The following SLC14A2 variants were observed in gnomAD, a reference collection of about 807,000 sequenced individuals.
The protein encoded by SLC14A2 is urea transporter 2.
A neutral mutation model predicts 104.6 loss-of-function variants in SLC14A2; 91 were observed. The observed-to-expected ratio is 0.87, with a 90% confidence interval of 0.73 to 1.04. The LOEUF is 1.04. Ranked by LOEUF, SLC14A2 falls within the 50% of genes least tolerant of loss-of-function variation. The pLI, the probability that SLC14A2 is intolerant of heterozygous loss-of-function variation, is 0.00. For synonymous variants in SLC14A2, 476 were observed against 466.4 expected (o/e 1.02, Z -0.27); for missense variants, 1,189 against 1,156.0 (o/e 1.03, Z -0.41).
intron 1 of SLC14A2, among the ~76,000 whole-genome samples, chr18:45,331,599 G>A (rs770903062): frequency 6.6e-6 from 1 of 151,704 alleles, no homozygotes; most frequent in Admixed American, 6.6e-5. Context: ...GCTGAGGCAG[G>A]AGAATGGCAT....
At chr18:45,658,840 C>G (rs185446723) in intron 10 of SLC14A2, among the ~76,000 whole-genome samples, 3 of 152,128 alleles carry the variant, frequency 2.0e-5, no homozygotes, top group East Asian at 3.9e-4. Flanking sequence ...AGGCATGAGT[C>G]CTTCAGGATC....
At chr18:45,413,770 T>C (rs1264870214) in intron 1 of SLC14A2, among the ~76,000 whole-genome samples, 1 of 152,220 alleles carries the variant, frequency 6.6e-6, no homozygotes, top group East Asian at 1.9e-4. Flanking sequence ...TTCTACTAAC[T>C]TATCATGCTA....
At chr18:45,559,158 A>C (rs1268935765) in intron 2 of SLC14A2, among the ~76,000 whole-genome samples, 1 of 152,178 alleles carries the variant, frequency 6.6e-6, no homozygotes, top group Non-Finnish European at 1.5e-5. Flanking sequence ...AAACTCAATC[A>C]GTTCTCTCAG....
Position 45,627,691 on chromosome 18 carries a change from G to A in SLC14A2, c.521+544G>A, listed in dbSNP as rs118002686. Among the ~76,000 whole-genome samples the A allele has an allele frequency of 6.4e-3, 969 of 152,214 alleles. 6 individuals carry two copies. The highest frequency in any genetic ancestry group is 0.01 in the Non-Finnish European group (698 of 67,998). On this transcript the variant is annotated intron_variant, in intron 4 of 19. Coordinates refer to ENST00000255226, the MANE Select transcript of SLC14A2 (RefSeq NM_007163.4). ...AGATGTGGAAAGAGAAGTTGGCCTC[G>A]CACTGGCTGGTGCAAAGTCAAGTAA...
At position 45,674,892 on chromosome 18, in the gene SLC14A2, C is replaced by T. The variant is rs571233060; in HGVS notation, c.2512+1075C>T. On this transcript the variant is annotated intron_variant, in intron 18 of 19. Coordinates refer to ENST00000255226, the MANE Select transcript of SLC14A2 (RefSeq NM_007163.4). ...ATCCCCATGACCCTGAGAGTGAAGGCCACTTGAAATTTTGCACCCCAGGTG... is the reference window on the plus strand; with the variant it reads ...ATCCCCATGACCCTGAGAGTGAAGGTCACTTGAAATTTTGCACCCCAGGTG... 1.1e-3 allele frequency among the ~76,000 whole-genome samples: 172 copies of T among 152,304 alleles called. 1 individual carries two copies. The highest frequency in any genetic ancestry group is 4.0e-3 in the African/African-American group (166 of 41,554).
chr18:45,230,450 G>A (rs575063829), intron 1 of SLC14A2, among the ~76,000 whole-genome samples: 1 of 152,146 alleles, frequency 6.6e-6, no homozygotes, highest in African/African-American at 2.4e-5. Context: ...CAGTGACATT[G>A]CATCTGTCTA....
At chr18:45,529,289 C>T (rs975886774) in intron 2 of SLC14A2, 2 of 152,148 alleles carry the variant, frequency 1.3e-5, no homozygotes, top group Admixed American at 6.5e-5. Flanking sequence ...AAAAAGCAGA[C>T]ATCTCACTGT....
At chr18:45,231,501 A>C (rs2084174519) in intron 1 of SLC14A2, among the ~76,000 whole-genome samples, 1 of 151,924 alleles carries the variant, frequency 6.6e-6, no homozygotes. Flanking sequence ...GAGCCACTAC[A>C]CCCCTCCCAT....
At chr18:45,629,124 G>C (rs2045305804) in intron 4 of SLC14A2, among the ~76,000 whole-genome samples, 1 of 152,206 alleles carries the variant, frequency 6.6e-6, no homozygotes, top group South Asian at 2.1e-4. Flanking sequence ...GCCCATTGGT[G>C]AACCCAAAGT....
rs756103272 is a variant in SLC14A2, at chr18:45,639,811, C to T, written c.909C>T (p.Gly303=). Residue 303 remains glycine (G), a synonymous_variant, in exon 7 of 20, where the codon GGC becomes GGT. Transcript: ENST00000255226. ...VYGCDNPWTG[G]VFLVALFISS... ...GCTGTGACAATCCCTGGACAGGCGG[C>T]GTGTTCCTGGTGGCTCTGTTCATCT... 1.9e-5 allele frequency: 30 copies of T among 1,613,816 alleles called. No homozygotes were observed. Among genetic ancestry groups the T allele is most frequent in the African/African-American group, 5.3e-5 (4 of 74,910 alleles).
intron 2 of SLC14A2, among the ~76,000 whole-genome samples, chr18:45,486,614 AT>A (rs1324194194): frequency 6.6e-6 from 1 of 152,194 alleles, no homozygotes; most frequent in Non-Finnish European, 1.5e-5. Context: ...CATTTTTCCC[AT>A]GGCCATAAGG....
At chr18:45,319,235 ACCCT>A (rs2085161491) in intron 1 of SLC14A2, among the ~76,000 whole-genome samples, 1 of 151,568 alleles carries the variant, frequency 6.6e-6, no homozygotes, top group Admixed American at 6.6e-5. Context: ...TAACCCTACA[ACCCT>A]CCCTCTTCTG....
At chr18:45,252,006 C>G (rs576489047) in intron 1 of SLC14A2, among the ~76,000 whole-genome samples, 42 of 152,282 alleles carry the variant, frequency 2.8e-4, no homozygotes, top group African/African-American at 9.9e-4. Flanking sequence ...ACACATCCCT[C>G]GAATCTTTGC....
chr18:45,387,433 G>A (rs2085910207), intron 1 of SLC14A2, among the ~76,000 whole-genome samples: 1 of 152,106 alleles, frequency 6.6e-6, no homozygotes, highest in African/African-American at 2.4e-5. Context: ...AATGACTGAT[G>A]GTTACCACAC....
intron 1 of SLC14A2, among the ~76,000 whole-genome samples, chr18:45,349,368 C>T (rs890593053): frequency 6.6e-6 from 1 of 152,170 alleles, no homozygotes; most frequent in East Asian, 1.9e-4. Context: ...GATGCTGGGG[C>T]CCATTGATCA....
intron 1 of SLC14A2, among the ~76,000 whole-genome samples, chr18:45,247,701 C>CT (rs199702602): frequency 0.15 from 21,415 of 138,242 alleles, 1,842 homozygotes; most frequent in African/African-American, 0.24. Flanking sequence ...TAATGTAGGC[C>CT]TTTTTTTTTT....
At chr18:45,373,246 G>GA (rs1237047027) in intron 1 of SLC14A2, among the ~76,000 whole-genome samples, 1 of 152,020 alleles carries the variant, frequency 6.6e-6, no homozygotes, top group Non-Finnish European at 1.5e-5. Context: ...CTCTTAGTAG[G>GA]AAAAAATATC....
chr18:45,245,507 C>G (rs1243465392), intron 1 of SLC14A2, among the ~76,000 whole-genome samples: 3 of 152,172 alleles, frequency 2.0e-5, no homozygotes, highest in Non-Finnish European at 4.4e-5. Context: ...GAGGCAATGT[C>G]AGAAAAACAA....
chr18:45,245,140 A>G lies in SLC14A2; in HGVS notation c.-125+31949A>G, dbSNP rs558741484. 1.1e-3 allele frequency among the ~76,000 whole-genome samples: 165 copies of G among 152,304 alleles called. 4 individuals carry two copies. In the South Asian group the frequency reaches 0.032, roughly 29 times the overall value. On this transcript the variant is annotated intron_variant, in intron 1 of 20. Coordinates refer to the SLC14A2 transcript ENST00000586448. Reference sequence around the variant, plus strand: ...TTTTCCTGCACCTCCTTTCTGCAGGAGGATCAAGGAGTGTATAACAGGCAA... The same window carrying G: ...TTTTCCTGCACCTCCTTTCTGCAGGGGGATCAAGGAGTGTATAACAGGCAA...
Sources: gnomAD v4.1 joint callset for allele counts (sites outside exome capture counted in the v4.1 genomes callset) on GRCh38, gnomAD v4.1.1 for gene constraint, MANE v1.5 for transcripts, NCBI Gene and HGNC (gene_info 2026-07-23, HGNC 2026-07-21) for gene names.